RECQL5: variants seen among roughly 807,000 people sequenced by gnomAD.
RECQL5 encodes the protein RecQ like helicase 5.
RECQL5 carries 88 observed loss-of-function variants against 103.4 expected under a neutral mutation model. The observed-to-expected ratio is 0.85, with a 90% confidence interval of 0.72 to 1.02. The LOEUF is 1.02. Among genes scored for constraint, RECQL5 ranks in the 50% least tolerant of loss-of-function variants. RECQL5 has a pLI of 0.00. For synonymous variants in RECQL5, 552 were observed against 507.9 expected, an observed-to-expected ratio of 1.09 and a Z score of -1.17; for missense variants, 1,232 against 1,284.3, an observed-to-expected ratio of 0.96 and a Z score of 0.62.
At chr17:75,629,975 C>T (rs2059176196) in intron 14 of RECQL5, 133 bp from the exon 15 acceptor site, 3 of 1,262,146 alleles carry the variant, frequency 2.4e-6, no homozygotes, top group Non-Finnish European at 2.1e-6. Context: ...GACCACTGGG[C>T]AAGTTTTAGG....
rs371230880 is a variant in RECQL5, at chr17:75,640,556, C to T, written c.1230-8888G>A. On this transcript the variant is annotated intron_variant, in intron 8 of 19. Coordinates refer to ENST00000317905, the MANE Select transcript of RECQL5 (RefSeq NM_004259.7). The surrounding 1 kb of genome is among the most constrained non-coding windows in gnomAD (Gnocchi z 4.6). ...CAGCAGTACCCCGGGATCCCAAACG[C>T]GGGGATGACGGGAGCCAGGCTTGGG... Among the ~76,000 whole-genome samples the T allele has an allele frequency of 1.3e-5, 2 of 152,062 alleles. No individual in the cohort carries two copies. The highest frequency in any genetic ancestry group is 1.5e-5 in the Non-Finnish European group (1 of 67,994).
chr17:75,628,096 G>C, intron 18 of RECQL5, 122 bp downstream of exon 18: 1 of 842,824 alleles, frequency 1.2e-6, no homozygotes, highest in Non-Finnish European at 1.9e-6. Context: ...CCCCAGGGAG[G>C]ACGGGCGTGG....
rs929314807 is a variant in RECQL5, at chr17:75,631,194, G to A, written c.1504C>T (p.Arg502Trp). 1.1e-5 allele frequency: 17 copies of A among 1,613,814 alleles called. No individual in the cohort carries two copies. Among genetic ancestry groups the A allele is most frequent in the Admixed American group, 1.7e-5 (1 of 60,014 alleles). ...GDEGRDEAHKREWNLFYQKQM... is the reference protein window; with the variant it reads ...GDEGRDEAHKWEWNLFYQKQM... ...TTCTGATAGAAGAGGTTCCACTCCC[G>A]CTTGTGGGCCTCATCTCTGCCTTCA... Residue 502 changes from arginine to tryptophan, a missense_variant, in exon 10 of 20, where the codon CGG becomes TGG. By Grantham distance (101) the Arg-to-Trp change is moderately radical (BLOSUM62 -3). Coordinates refer to ENST00000317905, the MANE Select transcript of RECQL5 (RefSeq NM_004259.7).
At chr17:75,664,900 A>C in intron 3 of RECQL5, 151 bp downstream of exon 3, 1 of 1,185,712 alleles carries the variant, frequency 8.4e-7, no homozygotes, top group East Asian at 2.8e-5. Context: ...GCGACAGAGT[A>C]AGACTCTGTC....
intron 8 of RECQL5, 123 bp downstream of exon 8, chr17:75,651,063 T>C: frequency 1.3e-6 from 2 of 1,586,252 alleles, no homozygotes; most frequent in Non-Finnish European, 1.7e-6. Flanking sequence ...CACAACAGCC[T>C]TTGCAGGCAG....
chr17:75,660,908 C>T (rs750744362), intron 6 of RECQL5, 47 bp downstream of exon 6: 2 of 1,436,422 alleles, frequency 1.4e-6, no homozygotes, highest in Non-Finnish European at 9.8e-7. Context: ...GCAATCCACC[C>T]TGAGCCAGGC....
chr17:75,627,745 C>T (rs376325567), intron 18 of RECQL5, 53 bp from the exon 19 acceptor site: 108 of 1,513,766 alleles, frequency 7.1e-5, no homozygotes, highest in East Asian at 2.6e-4. Flanking sequence ...GGTGGCCGGG[C>T]GCAGTGGCTC....
At chr17:75,629,687 G>A (rs1423108174) in intron 15 of RECQL5, 21 bp downstream of exon 15, 2 of 1,593,102 alleles carry the variant, frequency 1.3e-6, no homozygotes, top group Non-Finnish European at 1.7e-6. Context: ...CAGGTCTGGA[G>A]GCCACTGGGC....
chr17:75,650,165 T>G, intron 8 of RECQL5: 2 of 986,736 alleles, frequency 2.0e-6, no homozygotes, highest in Non-Finnish European at 2.4e-6. Flanking sequence ...TAATTGTGCT[T>G]GAAAAGGGCT....
At chr17:75,647,806 C>A in intron 8 of RECQL5, 1 of 461,402 alleles carries the variant, frequency 2.2e-6, no homozygotes, top group Non-Finnish European at 4.0e-6. Context: ...TAGGGTTCCC[C>A]GACCAGAACC....
intron 8 of RECQL5, among the ~76,000 whole-genome samples, chr17:75,642,487 T>G (rs1470256122): frequency 1.3e-5 from 2 of 152,230 alleles, no homozygotes. Flanking sequence ...CCCTCTGGTT[T>G]CACTTTCTAG....
chr17:75,660,665 G>A (rs2059687289), intron 6 of RECQL5, among the ~76,000 whole-genome samples: 1 of 152,184 alleles, frequency 6.6e-6, no homozygotes, highest in African/African-American at 2.4e-5. Context: ...CCTCCTCATA[G>A]GATCCACCTA....
chr17:75,634,159 G>C, intron 8 of RECQL5: 1 of 985,510 alleles, frequency 1.0e-6, no homozygotes, highest in Non-Finnish European at 1.2e-6. Context: ...TGGAGGCTCC[G>C]CGCTGGGGCA....
In RECQL5 at chr17:75,633,481, T is replaced by C. The variant is rs1391117530; in HGVS notation, c.1230-1813A>G. 13 of 1,288,936 alleles carry C rather than the reference T, an allele frequency of 1.0e-5. No homozygotes were observed. In the East Asian group the frequency reaches 5.0e-4, roughly 50 times the overall value. 79.8% of individuals were successfully genotyped at this position (1,288,936 alleles called of 1,614,324 possible). ...CACCTCACAAGGAACATGAGGCGCC[T>C]TGCCGGGCGCGCAGGCCACTCCCAG... On this transcript the variant is annotated intron_variant, in intron 8 of 19. Transcript: ENST00000317905.
chr17:75,629,150 TGGGCC>T lies in RECQL5; in HGVS notation c.2268_2272del (p.Ala757GlnfsTer34). The T allele has an allele frequency of 6.2e-7, 1 of 1,613,834 alleles. No homozygotes were observed. The highest frequency in any genetic ancestry group is 8.5e-7 in the Non-Finnish European group (1 of 1,179,992). On this transcript the variant is annotated frameshift_variant, in exon 16 of 20. Coordinates refer to ENST00000317905, the MANE Select transcript of RECQL5 (RefSeq NM_004259.7). LOFTEE classifies it high-confidence loss of function. Reference sequence around the variant, plus strand: ...GCGGGCGATGCTCTGAGAATCCTTGTGGGCCGCTGTGGCTAGGAGCTGCTGTTTCT... The same window carrying T: ...GCGGGCGATGCTCTGAGAATCCTTGTGCTGTGGCTAGGAGCTGCTGTTTCT...
chr17:75,630,932 C>T (rs773489272), intron 11 of RECQL5, 42 bp downstream of exon 11: 31 of 1,608,376 alleles, frequency 1.9e-5, no homozygotes, highest in South Asian at 1.7e-4. Flanking sequence ...CTCCATGCCC[C>T]GGGAAGAGCC....
chr17:75,636,003 G>A lies in RECQL5; in HGVS notation c.1230-4335C>T, dbSNP rs1011576547. ...ATAAAGGAATGCTTCCCATCCCTCC[G>A]GCTCTGCCAGCCTTCTCTGCCCTGA... On this transcript the variant is annotated intron_variant, in intron 8 of 19. Transcript: ENST00000317905. The surrounding 1 kb of genome is among the most constrained non-coding windows in gnomAD (Gnocchi z 5.4). Among the ~76,000 whole-genome samples, 4 of 152,202 alleles carry A rather than the reference G, an allele frequency of 2.6e-5. No individual in the cohort carries two copies. Among genetic ancestry groups the A allele is most frequent in the Non-Finnish European group, 4.4e-5 (3 of 68,038 alleles).
Position 75,629,241 on chromosome 17 carries a change from G to A in RECQL5, c.2182C>T (p.Pro728Ser), listed in dbSNP as rs1173408897. 2.5e-6 allele frequency: 4 copies of A among 1,612,698 alleles called. No homozygotes were observed. In the South Asian group the frequency reaches 3.3e-5, roughly 13 times the overall value. Residue 728 changes from proline to serine, a missense_variant, in exon 16 of 20, where the codon CCT becomes TCT. Transcript: ENST00000317905. The part of the protein sequence containing the change: ...GGSAHYGGPS[P>S]EKKAKSSSGG... ...GAGGAACTTTTTGCCTTCTTCTCAG[G>A]GGAGGGCCCCCCATAGTGAGCGCTG...
intron 8 of RECQL5, among the ~76,000 whole-genome samples, chr17:75,646,008 C>G (rs546996326): frequency 6.6e-6 from 1 of 152,320 alleles, no homozygotes; most frequent in East Asian, 1.9e-4. Flanking sequence ...AGCGGGCCCT[C>G]ACATCCTAGC....
Sources: gnomAD v4.1 joint callset for allele counts (sites outside exome capture counted in the v4.1 genomes callset) on GRCh38, gnomAD v4.1.1 for gene constraint, Gnocchi (gnomAD v3.1) non-coding constraint, MANE v1.5 for transcripts, NCBI Gene and HGNC (gene_info 2026-07-23, HGNC 2026-07-21) for gene names.